EIF4EBP2: variants seen among roughly 807,000 people sequenced by gnomAD.
The protein encoded by EIF4EBP2 is eukaryotic translation initiation factor 4E-binding protein 2.
In EIF4EBP2, 5 loss-of-function variants were observed where a neutral mutation model predicts 10.3. The observed-to-expected ratio is 0.48, with a 90% confidence interval of 0.25 to 1.02. The LOEUF is 1.02. Ranked by LOEUF, EIF4EBP2 falls within the 50% of genes least tolerant of loss-of-function variation. The probability of loss-of-function intolerance (pLI) is 0.15; values close to 1 mark genes in which losing one functional copy is unlikely to be tolerated. For synonymous variants in EIF4EBP2, 67 were observed against 61.1 expected (o/e 1.10, Z -0.45); for missense variants, 188 against 162.2 (o/e 1.16, Z -0.86).
At chr10:70,420,631 G>T (rs1845145890) in intron 2 of EIF4EBP2, among the ~76,000 whole-genome samples, 1 of 152,150 alleles carries the variant, frequency 6.6e-6, no homozygotes, top group South Asian at 2.1e-4. Flanking sequence ...TGGGAGAAAA[G>T]AATCCAGAAT....
rs1454121688 is a variant in EIF4EBP2 at position 70,425,489 on chromosome 10, AAGAT to A, written c.*3747_*3750del. ...GGTAGGTTTAATCTAGATAAGCTGA[AAGAT>A]AGATTGCTATCAAAAACAGTTCTCC... On this transcript the variant is annotated 3_prime_UTR_variant, in exon 3 of 3. Transcript: ENST00000373218. The A allele has an allele frequency of 6.6e-5, 10 of 152,250 alleles. No homozygotes were observed. The highest frequency in any genetic ancestry group is 2.4e-4 in the African/African-American group (10 of 41,472). The allele number at this position is 152,250 out of a possible 1,614,324, so 9.4% of individuals were successfully genotyped here. A position where few individuals can be genotyped will look rare whatever the true frequency, so the allele number is the denominator to read the frequency against.
intron 1 of EIF4EBP2, among the ~76,000 whole-genome samples, chr10:70,418,718 C>T (rs1589148223): frequency 6.6e-6 from 1 of 152,146 alleles, no homozygotes; most frequent in Admixed American, 6.5e-5. Flanking sequence ...TGCCTCGTTC[C>T]TCATAATTTC....
At chr10:70,406,707 A>G (rs1032742019) in intron 1 of EIF4EBP2, among the ~76,000 whole-genome samples, 5 of 150,926 alleles carry the variant, frequency 3.3e-5, no homozygotes, top group South Asian at 2.1e-4. Context: ...TGCCAGAAAT[A>G]CTAATTCATT....
intron 1 of EIF4EBP2, among the ~76,000 whole-genome samples, chr10:70,416,011 A>G (rs186877464): frequency 6.6e-6 from 1 of 152,364 alleles, no homozygotes; most frequent in East Asian, 1.9e-4. Flanking sequence ...ATCCAGAATA[A>G]AGAACTATCA....
rs1845216894 is a variant in EIF4EBP2 at position 70,427,618 on chromosome 10, C to T, written c.*5871C>T. On this transcript the variant is annotated 3_prime_UTR_variant, in exon 3 of 3. Coordinates refer to ENST00000373218, the MANE Select transcript of EIF4EBP2 (RefSeq NM_004096.5). ...GGCAAAGCTTAGATTTAGGAGAAGGCTTGAGTCCCTGTTCAGCGGGTCTGT... is the reference window on the plus strand; with the variant it reads ...GGCAAAGCTTAGATTTAGGAGAAGGTTTGAGTCCCTGTTCAGCGGGTCTGT... 1 of 152,182 alleles carries T rather than the reference C, an allele frequency of 6.6e-6. No individual in the cohort carries two copies. Among genetic ancestry groups the T allele is most frequent in the African/African-American group, 2.4e-5 (1 of 41,440 alleles). 9.4% of individuals were successfully genotyped at this position (152,182 alleles called of 1,614,324 possible). A position where few individuals can be genotyped will look rare whatever the true frequency, so the allele number is the denominator to read the frequency against.
intron 1 of EIF4EBP2, among the ~76,000 whole-genome samples, chr10:70,417,764 G>A (rs900682353): frequency 3.3e-5 from 5 of 152,158 alleles, no homozygotes; most frequent in Non-Finnish European, 7.4e-5. Flanking sequence ...GTTCCAGTTT[G>A]CAAGTTGACT....
intron 1 of EIF4EBP2, among the ~76,000 whole-genome samples, chr10:70,405,176 A>G (rs1286310385): frequency 6.6e-6 from 1 of 152,216 alleles, no homozygotes. Context: ...AGTAATAGCC[A>G]AGGGAAAGTA....
In EIF4EBP2 at chr10:70,425,116, C is replaced by A. The variant is rs1255545154; in HGVS notation, c.*3369C>A. Reference sequence around the variant, plus strand: ...TGGAGAAACCACTTCCAAGTTCTCTCTTTGTGGCCGTTGGCAGGATGCCTC... The same window carrying A: ...TGGAGAAACCACTTCCAAGTTCTCTATTTGTGGCCGTTGGCAGGATGCCTC... On this transcript the variant is annotated 3_prime_UTR_variant, in exon 3 of 3. Transcript: ENST00000373218. The A allele has an allele frequency of 6.6e-6, 1 of 152,332 alleles. No individual in the cohort carries two copies. Among genetic ancestry groups the A allele is most frequent in the Admixed American group, 6.5e-5 (1 of 15,282 alleles). The allele number at this position is 152,332 out of a possible 1,614,324, so 9.4% of individuals were successfully genotyped here.
intron 2 of EIF4EBP2, among the ~76,000 whole-genome samples, chr10:70,420,882 G>A (rs1249078543): frequency 6.6e-6 from 1 of 151,948 alleles, no homozygotes. Context: ...GCAAGCTCTG[G>A]TTCCCGGGTT....
intron 1 of EIF4EBP2, among the ~76,000 whole-genome samples, chr10:70,418,932 C>G (rs1845126473): frequency 6.6e-6 from 1 of 152,188 alleles, no homozygotes; most frequent in Non-Finnish European, 1.5e-5. Flanking sequence ...TCTCCTGGCT[C>G]AACCCCCGAG....
chr10:70,409,751 CAG>C (rs1845022881), intron 1 of EIF4EBP2, among the ~76,000 whole-genome samples: 1 of 152,178 alleles, frequency 6.6e-6, no homozygotes, highest in South Asian at 2.1e-4. Context: ...TGAGCAGAAA[CAG>C]AGACACCTCT....
At chr10:70,410,769 T>C (rs1425268536) in intron 1 of EIF4EBP2, among the ~76,000 whole-genome samples, 1 of 152,258 alleles carries the variant, frequency 6.6e-6, no homozygotes, top group Non-Finnish European at 1.5e-5. Context: ...CTGAGTGCAT[T>C]AGAAGCACTT....
chr10:70,420,869 A>C (rs1251817281), intron 2 of EIF4EBP2, among the ~76,000 whole-genome samples: 1 of 152,112 alleles, frequency 6.6e-6, no homozygotes, highest in African/African-American at 2.4e-5. Flanking sequence ...ATCTCGGCTC[A>C]CTGCAAGCTC....
intron 1 of EIF4EBP2, among the ~76,000 whole-genome samples, chr10:70,416,316 C>CA (rs1347300201): frequency 6.6e-6 from 1 of 152,154 alleles, no homozygotes; most frequent in African/African-American, 2.4e-5. Flanking sequence ...CGCGGTGGCT[C>CA]ACGCCTGTAA....
rs546848752 is a variant in EIF4EBP2 at position 70,427,461 on chromosome 10, C to G, written c.*5714C>G. 1 of 152,184 alleles carries G rather than the reference C, an allele frequency of 6.6e-6. No individual in the cohort carries two copies. The highest frequency in any genetic ancestry group is 1.5e-5 in the Non-Finnish European group (1 of 68,026). The allele number at this position is 152,184 out of a possible 1,614,324, so 9.4% of individuals were successfully genotyped here. On this transcript the variant is annotated 3_prime_UTR_variant, in exon 3 of 3. Transcript: ENST00000373218. Reference sequence around the variant, plus strand: ...AGTGGAGTTTCTTGAGGCTAACTTACAGAAATTTCTAACTGAAAACTTTAA... The same window carrying G: ...AGTGGAGTTTCTTGAGGCTAACTTAGAGAAATTTCTAACTGAAAACTTTAA...
At chr10:70,404,742 G>A (rs1213259515) in intron 1 of EIF4EBP2, among the ~76,000 whole-genome samples, 196 bp downstream of exon 1, 2 of 152,188 alleles carry the variant, frequency 1.3e-5, no homozygotes, top group Non-Finnish European at 1.5e-5. Flanking sequence ...GTCGGCGCGC[G>A]CCCCACTCGG....
chr10:70,412,444 T>G (rs777219241), intron 1 of EIF4EBP2, among the ~76,000 whole-genome samples: 4 of 152,180 alleles, frequency 2.6e-5, no homozygotes, highest in Non-Finnish European at 5.9e-5. Flanking sequence ...AACTACCCTG[T>G]AAGTTAACCA....
chr10:70,419,878 A>G (rs371133091), intron 1 of EIF4EBP2, 36 bp from the exon 2 acceptor site: 1 of 1,483,010 alleles, frequency 6.7e-7, no homozygotes, highest in African/African-American at 1.4e-5. Context: ...ATAACCCCTT[A>G]AATTGTTTCA....
At position 70,420,023 on chromosome 10, in the gene EIF4EBP2, C is replaced by T. The variant is rs766428655; in HGVS notation, c.255C>T (p.Gly85=). ...LPNIPGVTSP[G]TLIEDSKVEV... ...ATATCCCAGGAGTCACTAGCCCTGG[C>T]ACCTTAATTGAAGACTCCAAAGTAG... The change falls in exon 2 of 3, where the codon GGC becomes GGT. Residue 85 remains glycine (G), a synonymous_variant. Transcript: ENST00000373218. 48 of 1,613,202 alleles carry T rather than the reference C, an allele frequency of 3.0e-5. No individual in the cohort carries two copies. The highest frequency in any genetic ancestry group is 4.0e-5 in the Non-Finnish European group (47 of 1,179,738).
Sources: gnomAD v4.1 joint callset for allele counts (sites outside exome capture counted in the v4.1 genomes callset) on GRCh38, gnomAD v4.1.1 for gene constraint, MANE v1.5 for transcripts, NCBI Gene and HGNC (gene_info 2026-07-23, HGNC 2026-07-21) for gene names.